The following NRXN3 variants were observed in gnomAD, a reference collection of about 807,000 sequenced individuals.
NRXN3 encodes the protein neurexin 3, also known as neurexin III.
Under a neutral mutation model 137.6 loss-of-function variants are expected in NRXN3, and 32 were observed. The observed-to-expected ratio is 0.23, with a 90% confidence interval of 0.18 to 0.31. NRXN3 has a LOEUF of 0.31. NRXN3 is among the 10% of genes least tolerant of loss of function. The pLI, the probability that NRXN3 is intolerant of heterozygous loss-of-function variation, is 1.00. For synonymous variants in NRXN3, 798 were observed against 784.5 expected (o/e 1.02, Z -0.29); for missense variants, 1,574 against 2,062.5 (o/e 0.76, Z 4.59).
intron 15 of NRXN3, among the ~76,000 whole-genome samples, chr14:79,406,858 T>C (rs2095324146): frequency 6.6e-6 from 1 of 152,210 alleles, no homozygotes; most frequent in South Asian, 2.1e-4. Context: ...AAGTATTTGC[T>C]ATCAATAACA....
At chr14:78,198,731 C>T (rs755882064) in intron 1 of NRXN3, among the ~76,000 whole-genome samples, 2 of 152,212 alleles carry the variant, frequency 1.3e-5, no homozygotes, top group Non-Finnish European at 2.9e-5. Context: ...TTCAAGTCTT[C>T]TTTGAGGTGT....
intron 18 of NRXN3, among the ~76,000 whole-genome samples, chr14:79,694,789 G>A (rs1421511811): frequency 1.3e-5 from 2 of 151,906 alleles, no homozygotes; most frequent in Non-Finnish European, 2.9e-5. Flanking sequence ...GTGCTCTACT[G>A]TTCCTTTACT....
intron 15 of NRXN3, among the ~76,000 whole-genome samples, chr14:79,191,010 G>A (rs2064229949): frequency 6.6e-6 from 1 of 152,144 alleles, no homozygotes; most frequent in Non-Finnish European, 1.5e-5. Context: ...CTAAGTCATG[G>A]TCACTGTTTT....
intron 15 of NRXN3, among the ~76,000 whole-genome samples, chr14:79,344,437 A>G (rs1008774474): frequency 3.9e-5 from 6 of 152,216 alleles, no homozygotes; most frequent in Non-Finnish European, 7.3e-5. Flanking sequence ...GTTGTCACAT[A>G]GGAAATGTAG....
At chr14:78,358,489 G>A (rs1597731321) in intron 4 of NRXN3, among the ~76,000 whole-genome samples, 2 of 152,114 alleles carry the variant, frequency 1.3e-5, no homozygotes, top group African/African-American at 2.4e-5. Flanking sequence ...TATTCTGAGC[G>A]GGCTGGTATA....
At chr14:78,397,128 G>C (rs2091540444) in intron 4 of NRXN3, among the ~76,000 whole-genome samples, 1 of 152,188 alleles carries the variant, frequency 6.6e-6, no homozygotes, top group Non-Finnish European at 1.5e-5. Context: ...CATAGCATGT[G>C]CCATCATGTG....
intron 16 of NRXN3, among the ~76,000 whole-genome samples, chr14:79,577,723 T>C (rs907486387): frequency 1.3e-5 from 2 of 152,214 alleles, no homozygotes; most frequent in South Asian, 2.1e-4. Context: ...TGGCACATAG[T>C]AGAGCTCCAT....
intron 4 of NRXN3, among the ~76,000 whole-genome samples, chr14:78,408,077 A>G (rs2092604757): frequency 6.6e-6 from 1 of 152,198 alleles, no homozygotes. Context: ...TAGTCAACTC[A>G]CCACGTGTCT....
chr14:79,791,640 CT>C (rs1012932091), intron 19 of NRXN3, among the ~76,000 whole-genome samples: 13 of 151,520 alleles, frequency 8.6e-5, no homozygotes, highest in Admixed American at 6.6e-4. Flanking sequence ...CTTTTCTTGG[CT>C]TTCCCCCCAA....
intron 15 of NRXN3, among the ~76,000 whole-genome samples, chr14:79,350,255 A>G (rs557690674): frequency 2.6e-5 from 4 of 152,338 alleles, no homozygotes; most frequent in African/African-American, 4.8e-5. Context: ...TGTATCTTTA[A>G]TAAAGGAACC....
rs533157676 is a variant in NRXN3 at position 78,450,330 on chromosome 14, A to C, written c.757+152470A>C. Among the ~76,000 whole-genome samples, 5 of 152,262 alleles carry C rather than the reference A, an allele frequency of 3.3e-5. No homozygotes were observed. In the East Asian group the frequency reaches 9.6e-4, roughly 29 times the overall value. On this transcript the variant is annotated intron_variant, in intron 4 of 20. Coordinates refer to ENST00000335750, the MANE Select transcript of NRXN3 (RefSeq NM_001330195.2). Reference sequence around the variant, plus strand: ...AAATAAACATTACAAAGTGGAAAAAAATGTTTTGTGCCACAGGTTTGGGAT... The same window carrying C: ...AAATAAACATTACAAAGTGGAAAAACATGTTTTGTGCCACAGGTTTGGGAT...
intron 15 of NRXN3, among the ~76,000 whole-genome samples, chr14:79,229,632 G>A (rs1288223027): frequency 2.6e-5 from 4 of 152,142 alleles, no homozygotes; most frequent in Non-Finnish European, 5.9e-5. Flanking sequence ...GTATGCTGGC[G>A]AAAACGAACT....
intron 15 of NRXN3, among the ~76,000 whole-genome samples, chr14:79,051,645 G>A (rs1453363964): frequency 1.3e-5 from 2 of 152,190 alleles, no homozygotes; most frequent in South Asian, 4.1e-4. Context: ...TTATGGAGCT[G>A]GCATCAAACT....
chr14:78,616,675 A>T (rs1180824487), intron 4 of NRXN3, among the ~76,000 whole-genome samples: 1 of 152,230 alleles, frequency 6.6e-6, no homozygotes, highest in Non-Finnish European at 1.5e-5. Flanking sequence ...ATATGTGATA[A>T]ATAAAAAATG....
intron 16 of NRXN3, among the ~76,000 whole-genome samples, chr14:79,470,945 AGAGAGAGTGTGTGTGT>A (rs1176186669): frequency 1.7e-5 from 1 of 59,314 alleles, no homozygotes; most frequent in African/African-American, 5.6e-5. Flanking sequence ...AGAGAAAGAG[AGAGAGAGTGTGTGTGT>A]GTGTGTGTGT....
At chr14:78,471,789 C>T (rs2095278215) in intron 4 of NRXN3, among the ~76,000 whole-genome samples, 1 of 152,142 alleles carries the variant, frequency 6.6e-6, no homozygotes, top group Non-Finnish European at 1.5e-5. Flanking sequence ...TAAATTTATG[C>T]ACAGAGAGGG....
intron 15 of NRXN3, among the ~76,000 whole-genome samples, chr14:79,095,801 T>G (rs1005316445): frequency 4.6e-5 from 7 of 152,188 alleles, no homozygotes; most frequent in African/African-American, 1.7e-4. Flanking sequence ...TTGATTTTAT[T>G]ACTTTCTCCC....
At chr14:78,302,115 A>G (rs939338710) in intron 4 of NRXN3, among the ~76,000 whole-genome samples, 8 of 152,170 alleles carry the variant, frequency 5.3e-5, no homozygotes, top group Admixed American at 1.3e-4. Context: ...AACTTTTCTG[A>G]TGCGTGTGGC....
At chr14:78,381,067 A>G (rs1014759777) in intron 4 of NRXN3, among the ~76,000 whole-genome samples, 1 of 152,210 alleles carries the variant, frequency 6.6e-6, no homozygotes, top group Non-Finnish European at 1.5e-5. Flanking sequence ...AGCTTTTTCA[A>G]CAGATGATGC....
Sources: gnomAD v4.1 joint callset for allele counts (sites outside exome capture counted in the v4.1 genomes callset) on GRCh38, gnomAD v4.1.1 for gene constraint, MANE v1.5 for transcripts, NCBI Gene and HGNC (gene_info 2026-07-23, HGNC 2026-07-21) for gene names.